The following C1D variants were observed in gnomAD, a reference collection of about 807,000 sequenced individuals.
The protein encoded by C1D is C1D nuclear receptor corepressor, also known as nuclear nucleic acid-binding protein C1D.
In C1D, 10 loss-of-function variants were observed where a neutral mutation model predicts 17.5. The observed-to-expected ratio is 0.57, with a 90% CI of 0.35 to 0.97. The LOEUF is 0.97. Ranked by LOEUF, C1D falls within the 50% of genes least tolerant of loss-of-function variation. The pLI, the probability that C1D is intolerant of heterozygous loss-of-function variation, is 0.01. For missense variants in C1D, 136 were observed against 160.1 expected (o/e 0.85, Z 0.81); for synonymous variants, 49 against 54.0 (o/e 0.91, Z 0.40).
chr2:68,049,260 T>A (rs1047663514), intron 1 of C1D, among the ~76,000 whole-genome samples: 3 of 151,246 alleles, frequency 2.0e-5, no homozygotes, highest in Non-Finnish European at 4.4e-5. Flanking sequence ...CAAGAAACCT[T>A]ACAAACAAAA....
chr2:68,042,846 G>A lies in C1D; in HGVS notation c.*43C>T, dbSNP rs1407499499. On this transcript the variant is annotated 3_prime_UTR_variant, in exon 5 of 5. Transcript: ENST00000410067. Reference sequence around the variant, plus strand: ...TATTTTGCGGGGGGGGGGGGGGGGGGGAAGATGTACTTTTTGAATATGTGT... The same window carrying A: ...TATTTTGCGGGGGGGGGGGGGGGGGAGAAGATGTACTTTTTGAATATGTGT... 3.0e-5 allele frequency: 9 copies of A among 299,810 alleles called. No homozygotes were observed. The highest frequency in any genetic ancestry group is 7.8e-5 in the African/African-American group (2 of 25,550). 18.6% of individuals were successfully genotyped at this position (299,810 alleles called of 1,614,324 possible).
intron 1 of C1D, among the ~76,000 whole-genome samples, 194 bp downstream of exon 1, chr2:68,062,764 A>G (rs1196248697): frequency 6.6e-6 from 1 of 152,114 alleles, no homozygotes; most frequent in East Asian, 1.9e-4. Flanking sequence ...CAGCCCCAAA[A>G]CAAGCGGAAG....
chr2:68,055,476 C>CAA lies in C1D; in HGVS notation c.-10+7480_-10+7481dup, dbSNP rs112320731. ...TCCATAACAAGTCAACAGCATGAAGCAAAAAAAAAAAAGTGGGGGAAGAAA... is the reference window on the plus strand; with the variant it reads ...TCCATAACAAGTCAACAGCATGAAGCAAAAAAAAAAAAAAGTGGGGGAAGAAA... On this transcript the variant is annotated intron_variant, in intron 1 of 4. Transcript: ENST00000410067. Among the ~76,000 whole-genome samples, 572 of 133,792 alleles carry CAA rather than the reference C, an allele frequency of 4.3e-3. 1 individual carries two copies. Among genetic ancestry groups the CAA allele is most frequent in the African/African-American group, 0.014 (519 of 36,544 alleles). 87.8% of individuals were successfully genotyped at this position (133,792 alleles called of 152,430 possible).
At chr2:68,046,512 A>G in intron 2 of C1D, 102 bp from the exon 3 acceptor site, 1 of 741,082 alleles carries the variant, frequency 1.3e-6, no homozygotes, top group Non-Finnish European at 2.3e-6. Flanking sequence ...TACCAAGTAC[A>G]ATGTATCAAA....
At position 68,046,344 on chromosome 2, in the gene C1D, C is replaced by A; in HGVS notation, c.205G>T (p.Val69Phe). Residue 69 changes from valine to phenylalanine, a missense_variant and splice_region_variant, in exon 3 of 5, where the codon GTT becomes TTT. Physicochemically the swap from Val to Phe is conservative, Grantham distance 50 (BLOSUM62 -1). Coordinates refer to ENST00000410067, the MANE Select transcript of C1D (RefSeq NM_173177.3). Reference protein sequence around the residue: ...SAYTLNSMFWVYLATQGVNPK... With the variant: ...SAYTLNSMFWFYLATQGVNPK... Reference sequence around the variant, plus strand: ...ATTAATTCCAAAGTAACACACATACCCCAAAACATTGAATTTAATGTGTAT... The same window carrying A: ...ATTAATTCCAAAGTAACACACATACACCAAAACATTGAATTTAATGTGTAT... The A allele has an allele frequency of 6.2e-7, 1 of 1,606,822 alleles. No individual in the cohort carries two copies. The highest frequency in any genetic ancestry group is 1.1e-5 in the South Asian group (1 of 90,614).
chr2:68,047,287 T>A lies in C1D; in HGVS notation c.24A>T (p.Glu8Asp). 1.2e-6 allele frequency: 2 copies of A among 1,610,412 alleles called. No individual in the cohort carries two copies. Among genetic ancestry groups the A allele is most frequent in the Non-Finnish European group, 1.7e-6 (2 of 1,178,722 alleles). Residue 8 changes from glutamate (E) to aspartate (D), a missense_variant, in exon 2 of 5, where the codon GAA becomes GAT. Coordinates refer to ENST00000410067, the MANE Select transcript of C1D (RefSeq NM_173177.3). MAGEEINEDYPVEIHEYL... is the reference protein window; with the variant it reads MAGEEINDDYPVEIHEYL... ...ACTCGTGAATTTCTACTGGATAGTC[T>A]TCATTAATTTCTTCACCTGCCATTA... is the stretch of plus-strand genomic sequence containing the variant.
At chr2:68,062,069 G>A (rs1160338977) in intron 1 of C1D, among the ~76,000 whole-genome samples, 1 of 152,184 alleles carries the variant, frequency 6.6e-6, no homozygotes, top group Non-Finnish European at 1.5e-5. Context: ...TGGATTGTTT[G>A]TAACACAAAG....
chr2:68,053,901 C>T (rs755048492), intron 1 of C1D, among the ~76,000 whole-genome samples: 2 of 152,174 alleles, frequency 1.3e-5, no homozygotes, highest in African/African-American at 2.4e-5. Context: ...GGTTCCAGTT[C>T]GGCCAGTGAA....
intron 1 of C1D, chr2:68,053,369 T>C (rs1484309494): frequency 4.2e-6 from 3 of 712,364 alleles, no homozygotes; most frequent in African/African-American, 1.8e-5. Flanking sequence ...ATCAGCTACC[T>C]CTTTCCTTTA....
chr2:68,047,042 A>G, intron 2 of C1D, 131 bp downstream of exon 2: 1 of 768,300 alleles, frequency 1.3e-6, no homozygotes, highest in South Asian at 3.2e-5. Context: ...AAAAATACCC[A>G]AACACTAATA....
intron 1 of C1D, among the ~76,000 whole-genome samples, chr2:68,049,349 A>G (rs1449600310): frequency 6.6e-6 from 1 of 152,216 alleles, no homozygotes; most frequent in Admixed American, 6.5e-5. Flanking sequence ...CAGATCTGTG[A>G]AAGGACAGCT....
intron 1 of C1D, among the ~76,000 whole-genome samples, chr2:68,056,329 C>T (rs1471982712): frequency 6.6e-6 from 1 of 152,002 alleles, no homozygotes; most frequent in East Asian, 1.9e-4. Context: ...GTCTCGAAAT[C>T]CTGACCTTGT....
At chr2:68,054,561 T>G (rs773839115) in intron 1 of C1D, among the ~76,000 whole-genome samples, 1 of 152,198 alleles carries the variant, frequency 6.6e-6, no homozygotes, top group Admixed American at 6.5e-5. Context: ...CCTTACTTAA[T>G]TGATTATGGA....
chr2:68,042,602 C>T lies in C1D; in HGVS notation c.*287G>A, dbSNP rs555612310. Reference sequence around the variant, plus strand: ...ACATTTCACTTAAATTTCACAGCTGCTTATAAAATGGTACTTGCAAGACTG... The same window carrying T: ...ACATTTCACTTAAATTTCACAGCTGTTTATAAAATGGTACTTGCAAGACTG... On this transcript the variant is annotated 3_prime_UTR_variant, in exon 5 of 5. Coordinates refer to ENST00000410067, the MANE Select transcript of C1D (RefSeq NM_173177.3). 64 of 184,388 alleles carry T rather than the reference C, an allele frequency of 3.5e-4. No individual in the cohort carries two copies. The highest frequency in any genetic ancestry group is 1.4e-3 in the African/African-American group (61 of 42,152). The allele number at this position is 184,388 out of a possible 1,614,324, so 11.4% of individuals were successfully genotyped here.
At chr2:68,050,315 T>A (rs569675389) in intron 1 of C1D, among the ~76,000 whole-genome samples, 316 of 151,910 alleles carry the variant, frequency 2.1e-3, no homozygotes, top group Non-Finnish European at 3.6e-3. Context: ...AAAAAAAAAA[T>A]TTCTTGACTT....
At chr2:68,059,594 A>G (rs1351372724) in intron 1 of C1D, among the ~76,000 whole-genome samples, 4 of 152,146 alleles carry the variant, frequency 2.6e-5, no homozygotes, top group Non-Finnish European at 5.9e-5. Flanking sequence ...TCTATCAATA[A>G]CACTCCTTAA....
At chr2:68,057,806 A>G (rs746192834) in intron 1 of C1D, among the ~76,000 whole-genome samples, 8 of 152,222 alleles carry the variant, frequency 5.3e-5, no homozygotes, top group Non-Finnish European at 1.2e-4. Flanking sequence ...TGTTACATTC[A>G]AAGAACCATA....
chr2:68,055,234 T>C (rs938683192), intron 1 of C1D, among the ~76,000 whole-genome samples: 9 of 152,252 alleles, frequency 5.9e-5, no homozygotes, highest in African/African-American at 1.7e-4. Context: ...GAAATGCACA[T>C]ATTATGAACC....
chr2:68,047,135 A>G, intron 2 of C1D, 38 bp downstream of exon 2: 1 of 1,567,712 alleles, frequency 6.4e-7, no homozygotes, highest in Non-Finnish European at 8.7e-7. Flanking sequence ...ATTCTGTTTT[A>G]TGAAATTCAT....
Sources: allele counts gnomAD v4.1 joint callset (sites outside exome capture counted in the v4.1 genomes callset), GRCh38; gene constraint gnomAD v4.1.1; transcripts MANE v1.5; gene names NCBI Gene and HGNC (gene_info 2026-07-23, HGNC 2026-07-21).